The following ZNF83 variants were observed in gnomAD, a reference collection of about 807,000 sequenced individuals.
ZNF83 encodes the protein zinc finger protein 83.
For synonymous variants in ZNF83, 209 were observed against 213.0 expected, an observed-to-expected ratio of 0.98 and a Z score of 0.17; for missense variants, 552 against 629.9, an observed-to-expected ratio of 0.88 and a Z score of 1.32.
At chr19:52,644,865 C>T (rs892550774) in intron 3 of ZNF83, among the ~76,000 whole-genome samples, 1 of 151,874 alleles carries the variant, frequency 6.6e-6, no homozygotes, top group Non-Finnish European at 1.5e-5. Flanking sequence ...AAAAAATTAC[C>T]TGGGCATGGT....
At chr19:52,676,729 T>G (rs529413624) in intron 1 of ZNF83, among the ~76,000 whole-genome samples, 9,540 of 138,334 alleles carry the variant, frequency 0.069, 1,032 homozygotes, top group African/African-American at 0.23. Context: ...ATGGTTGCCG[T>G]GTCTGTGTAG....
chr19:52,653,317 G>T, intron 3 of ZNF83: 1 of 1,333,580 alleles, frequency 7.5e-7, no homozygotes, highest in Non-Finnish European at 1.1e-6. Flanking sequence ...ACATGTGTAA[G>T]GTTTCTCTCC....
At position 52,672,496 on chromosome 19, in the gene ZNF83, C is replaced by T. The variant is rs867008165; in HGVS notation, c.-282-11653G>A. Among the ~76,000 whole-genome samples the T allele has an allele frequency of 3.9e-5, 6 of 152,138 alleles. No homozygotes were observed. In the South Asian group the frequency reaches 6.2e-4, roughly 16 times the overall value. On this transcript the variant is annotated intron_variant, in intron 1 of 5. Transcript: ENST00000594682. Reference sequence around the variant, plus strand: ...GGCATGGTGGCTTGTGCCTGTAATCCGAGCATGATGGGAGGCTGAGGCAGG... The same window carrying T: ...GGCATGGTGGCTTGTGCCTGTAATCTGAGCATGATGGGAGGCTGAGGCAGG...
chr19:52,636,148 GAAAGAA>G (rs1440580587), intron 1 of ZNF83: 2 of 147,590 alleles, frequency 1.4e-5, no homozygotes, highest in African/African-American at 5.1e-5. Flanking sequence ...AAAAAAAAAA[GAAAGAA>G]AAAGAAAACT....
intron 1 of ZNF83, among the ~76,000 whole-genome samples, chr19:52,688,907 G>A (rs1265205264): frequency 1.6e-4 from 22 of 138,432 alleles, no homozygotes; most frequent in African/African-American, 5.9e-4. Context: ...AAGTCTAAAT[G>A]AATGGGCTCC....
At chr19:52,629,541 C>T (rs1205131468) in intron 2 of ZNF83, among the ~76,000 whole-genome samples, 3 of 152,202 alleles carry the variant, frequency 2.0e-5, no homozygotes, top group Non-Finnish European at 4.4e-5. Context: ...CCTGCTCACA[C>T]CCGGTCCGGC....
At chr19:52,618,219 G>C (rs973319901) in intron 2 of ZNF83, among the ~76,000 whole-genome samples, 1 of 151,658 alleles carries the variant, frequency 6.6e-6, no homozygotes, top group Non-Finnish European at 1.5e-5. Flanking sequence ...AGCCTTTCTA[G>C]TACCTGGGAT....
chr19:52,626,631 C>A (rs1345903605), intron 2 of ZNF83, among the ~76,000 whole-genome samples: 1 of 152,130 alleles, frequency 6.6e-6, no homozygotes, highest in African/African-American at 2.4e-5. Context: ...CAGACCATCA[C>A]CAATCATTCT....
In ZNF83 at chr19:52,629,624, A is replaced by T. The variant is rs1350216147; in HGVS notation, c.-234+5442T>A. The stretch of plus-strand genomic sequence containing the variant: ...TACTCTTAAAAAGGTGGCTGGAGCT[A>T]AAGGCATAGTCAAGGTTAATGCTCC... On this transcript the variant is annotated intron_variant, in intron 2 of 2. Coordinates refer to ENST00000301096, the Ensembl canonical transcript of ZNF83. 3.3e-5 allele frequency among the ~76,000 whole-genome samples: 5 copies of T among 152,200 alleles called. No individual in the cohort carries two copies. The South Asian group carries it at 1.0e-3, about 31-fold the overall frequency.
At chr19:52,645,040 T>C (rs1375246468) in intron 3 of ZNF83, among the ~76,000 whole-genome samples, 2 of 150,300 alleles carry the variant, frequency 1.3e-5, no homozygotes, top group African/African-American at 4.9e-5. Context: ...AAGGGGGTGC[T>C]TTTGGCACAG....
chr19:52,655,524 G>GGCA (rs2061493569), intron 3 of ZNF83: 1 of 1,444,028 alleles, frequency 6.9e-7, no homozygotes, highest in Non-Finnish European at 9.6e-7. Context: ...GATAGACAAG[G>GGCA]GCAGATTCCT....
chr19:52,682,869 T>G (rs1052581603), intron 1 of ZNF83, among the ~76,000 whole-genome samples: 19 of 151,964 alleles, frequency 1.3e-4, no homozygotes, highest in Non-Finnish European at 2.9e-5. Context: ...ACCTTCTCTC[T>G]CTGTCTCTCT....
chr19:52,654,134 C>G (rs2061477671), intron 3 of ZNF83: 5 of 1,605,692 alleles, frequency 3.1e-6, no homozygotes, highest in Non-Finnish European at 4.3e-6. Context: ...CCAAGCTGAT[C>G]TTTAATAGGC....
chr19:52,653,379 G>A (rs2061468000), intron 3 of ZNF83: 1 of 1,051,802 alleles, frequency 9.5e-7, no homozygotes, highest in Non-Finnish European at 1.4e-6. Context: ...GGAAAACCTT[G>A]CCACATTCAT....
At chr19:52,641,057 G>A (rs1479717454), upstream of ZNF83, among the ~76,000 whole-genome samples, 1 of 146,116 alleles carries the variant, frequency 6.8e-6, no homozygotes, top group Middle Eastern at 3.2e-3. Flanking sequence ...CCACCCTTCA[G>A]AACAACACCC....
At chr19:52,655,443 C>T (rs1372520974) in intron 3 of ZNF83, 1 of 975,696 alleles carries the variant, frequency 1.0e-6, no homozygotes, top group Non-Finnish European at 1.5e-6. Flanking sequence ...CTGCAGAAAA[C>T]AATGACATGT....
chr19:52,669,825 A>T (rs2061699932), intron 1 of ZNF83, among the ~76,000 whole-genome samples: 1 of 152,222 alleles, frequency 6.6e-6, no homozygotes, highest in Non-Finnish European at 1.5e-5. Context: ...GCTCATAAAA[A>T]TGGCAGTTAC....
At chr19:52,685,916 A>T (rs1325291618) in intron 1 of ZNF83, among the ~76,000 whole-genome samples, 7 of 151,732 alleles carry the variant, frequency 4.6e-5, no homozygotes, top group African/African-American at 1.7e-4. Flanking sequence ...AAAAAAAAAA[A>T]AAAAAAAAAA....
chr19:52,612,590 G>A (rs13103), exon 3 of ZNF83: 16,663 of 165,898 alleles, frequency 0.1, 907 homozygotes, highest in African/African-American at 0.14. Flanking sequence ...TTTGGCCTGC[G>A]GAAAATCTCT....
Sources: allele counts gnomAD v4.1 joint callset (sites outside exome capture counted in the v4.1 genomes callset), GRCh38; gene constraint gnomAD v4.1.1; transcripts MANE v1.5; gene names NCBI Gene and HGNC (gene_info 2026-07-23, HGNC 2026-07-21).